The following HTT variants were observed in gnomAD, a reference collection of about 807,000 sequenced individuals.
The protein encoded by HTT is huntingtin, also known as huntington disease protein.
A neutral mutation model predicts 362.3 loss-of-function variants in HTT; 104 were observed. The ratio of observed to expected loss-of-function variants is 0.29; its 90% CI spans 0.24 to 0.34. The LOEUF is 0.34. HTT is among the 10% of genes least tolerant of loss of function. The pLI, the probability that HTT is intolerant of heterozygous loss-of-function variation, is 1.00. For missense variants in HTT, 3,301 were observed against 3,928.6 expected (o/e 0.84, Z 4.27); for synonymous variants, 1,577 against 1,548.7 (o/e 1.02, Z -0.43).
At chr4:3,209,797 T>A (rs781630956) in intron 46 of HTT, 30 bp from the exon 47 acceptor site, 17 of 1,611,614 alleles carry the variant, frequency 1.1e-5, no homozygotes, top group Non-Finnish European at 1.4e-5. Context: ...CCGCCCATCA[T>A]GTTCCCCTTA....
intron 3 of HTT, among the ~76,000 whole-genome samples, chr4:3,102,841 A>G (rs2024115): frequency 0.4 from 61,152 of 151,994 alleles, 12,520 homozygotes; most frequent in African/African-American, 0.44. Context: ...CATCGTTACT[A>G]GCTTGAAGTT....
In HTT at chr4:3,212,023, A is replaced by T. The variant is rs1321249663; in HGVS notation, c.6509A>T (p.Glu2170Val). ...AGTGCCCTTTTTGAAGCAGCCCGTG[A>T]GGTGACTCTGGCCCGTGTGAGCGGC... is the stretch of plus-strand genomic sequence containing the variant. ...QKSALFEAAREVTLARVSGTV... is the reference protein window; with the variant it reads ...QKSALFEAARVVTLARVSGTV... The change falls in exon 48 of 67, where the codon GAG becomes GTG. Residue 2170 changes from glutamate (E) to valine (V), a missense_variant. Glu to Val is a moderately radical substitution (Grantham distance 121). Transcript: ENST00000355072. 2 of 1,614,188 alleles carry T rather than the reference A, an allele frequency of 1.2e-6. No homozygotes were observed. Among genetic ancestry groups the T allele is most frequent in the Admixed American group, 3.3e-5 (2 of 60,020 alleles).
At chr4:3,122,833 TTTC>T in intron 9 of HTT, 53 bp from the exon 10 acceptor site, 1 of 1,428,490 alleles carries the variant, frequency 7.0e-7, no homozygotes, top group East Asian at 2.3e-5. Context: ...GATTTTCACA[TTTC>T]TTCTAGATTT....
chr4:3,237,382 G>A (rs902989184), intron 64 of HTT, among the ~76,000 whole-genome samples: 5 of 152,142 alleles, frequency 3.3e-5, no homozygotes, highest in African/African-American at 1.2e-4. Context: ...CCCCCATGTC[G>A]ATTTTTAAAT....
intron 62 of HTT, 23 bp downstream of exon 62, chr4:3,235,421 C>T: frequency 6.5e-7 from 1 of 1,535,430 alleles, no homozygotes. Flanking sequence ...TGGCTGTCTT[C>T]CTCTGCACAC....
intron 2 of HTT, among the ~76,000 whole-genome samples, chr4:3,092,826 G>A (rs1015062098): frequency 3.3e-5 from 5 of 152,218 alleles, no homozygotes; most frequent in Admixed American, 2.0e-4. Context: ...AGTTGAAAAC[G>A]GAAGAAATAT....
At chr4:3,160,536 C>T in intron 29 of HTT, 144 bp downstream of exon 29, 2 of 647,092 alleles carry the variant, frequency 3.1e-6, no homozygotes, top group East Asian at 2.7e-5. Flanking sequence ...CGTCACAGGA[C>T]CCAAGTCTGA....
At chr4:3,081,966 AAAAC>A (rs1314828765) in intron 1 of HTT, among the ~76,000 whole-genome samples, 1 of 152,190 alleles carries the variant, frequency 6.6e-6, no homozygotes, top group Non-Finnish European at 1.5e-5. Flanking sequence ...GCACAGATGA[AAAAC>A]AAAGCCCTTC....
At chr4:3,120,027 A>G (rs1715219904) in intron 8 of HTT, among the ~76,000 whole-genome samples, 1 of 152,202 alleles carries the variant, frequency 6.6e-6, no homozygotes. Flanking sequence ...AAGCAGGTGC[A>G]GGCCAGACCT....
rs1186741996 is a variant in HTT at position 3,235,720 on chromosome 4, G to A, written c.8727G>A (p.Val2909=). The A allele has an allele frequency of 6.8e-6, 11 of 1,612,422 alleles. No individual in the cohort carries two copies. The highest frequency in any genetic ancestry group is 3.3e-4 in the Middle Eastern group (2 of 6,080). ...AGCTGAGTGTGGACAGAGTGAACGT[G>A]CACAGCCCGCACCGGGCCATGGCGG... ...LVKLSVDRVN[V]HSPHRAMAAL... Residue 2909 remains valine (V), a synonymous_variant, in exon 63 of 67, where the codon GTG becomes GTA. Coordinates refer to ENST00000355072, the MANE Select transcript of HTT (RefSeq NM_001388492.1).
chr4:3,074,948 G>C lies in HTT; in HGVS notation c.123G>C (p.Pro41=), dbSNP rs769382046. ...AGCAGCAGCAGCAACAGCCGCCACC[G>C]CCGCCGCCGCCGCCGCCGCCTCCTC... is the stretch of plus-strand genomic sequence containing the variant. The part of the protein sequence containing the change: ...QQQQQQQQPP[P]PPPPPPPPQL... Residue 41 remains proline (P), a synonymous_variant, in exon 1 of 67, where the codon CCG becomes CCC. Transcript: ENST00000355072. The C allele has an allele frequency of 1.4e-6, 2 of 1,400,606 alleles. No individual in the cohort carries two copies. The highest frequency in any genetic ancestry group is 1.9e-6 in the Non-Finnish European group (2 of 1,065,084). The allele number at this position is 1,400,606 out of a possible 1,614,324, so 86.8% of individuals were successfully genotyped here.
At chr4:3,094,559 G>A (rs1477768019) in intron 2 of HTT, among the ~76,000 whole-genome samples, 2 of 147,026 alleles carry the variant, frequency 1.4e-5, no homozygotes, top group African/African-American at 2.5e-5. Context: ...CCCACCTCCC[G>A]GACGGGGCGG....
intron 45 of HTT, among the ~76,000 whole-genome samples, chr4:3,208,400 GA>G (rs1560594085): frequency 1.3e-5 from 2 of 152,180 alleles, no homozygotes; most frequent in African/African-American, 4.8e-5. Flanking sequence ...TTTGATAGTG[GA>G]ATTTGTGCAT....
At chr4:3,156,656 G>T (rs1391627716) in intron 27 of HTT, among the ~76,000 whole-genome samples, 1 of 152,162 alleles carries the variant, frequency 6.6e-6, no homozygotes, top group Non-Finnish European at 1.5e-5. Context: ...TAATGTTTGT[G>T]CCTTTGCCGT....
intron 6 of HTT, among the ~76,000 whole-genome samples, chr4:3,113,467 C>T (rs943497711): frequency 6.6e-6 from 1 of 152,114 alleles, no homozygotes; most frequent in Non-Finnish European, 1.5e-5. Context: ...GTAGCTGAGA[C>T]TGCAGGTGCG....
chr4:3,236,837 A>G (rs985491291), intron 64 of HTT, among the ~76,000 whole-genome samples: 1 of 150,980 alleles, frequency 6.6e-6, no homozygotes, highest in Non-Finnish European at 1.5e-5. Flanking sequence ...GGAGCTTGGT[A>G]GGGCTTTTTC....
In HTT at chr4:3,074,933, G is replaced by GCAGCAGCAA. The variant is rs1553909034; in HGVS notation, c.110_111insGCAGCAACA (p.Gln36_Gln38dup). On this transcript the variant is annotated inframe_insertion, in exon 1 of 67. Coordinates refer to ENST00000355072, the MANE Select transcript of HTT (RefSeq NM_001388492.1). ...AGCAGCAGCAGCAGCAGCAGCAGCA[G>GCAGCAGCAA]CAACAGCCGCCACCGCCGCCGCCGC... 3 of 1,444,042 alleles carry GCAGCAGCAA rather than the reference G, an allele frequency of 2.1e-6. No homozygotes were observed. Among genetic ancestry groups the GCAGCAGCAA allele is most frequent in the South Asian group, 2.6e-5 (2 of 77,938 alleles). 89.5% of individuals were successfully genotyped at this position (1,444,042 alleles called of 1,614,324 possible).
rs534258092 is a variant in HTT, at chr4:3,223,291, G to A, written c.7471-115G>A. On this transcript the variant is annotated intron_variant, in intron 54 of 66. Transcript: ENST00000355072. ...AGCTCAGCCTGACAGAAATCCTTTGGTAGCACTTAAGGCTCCTCTTCCTCC... is the reference window on the plus strand; with the variant it reads ...AGCTCAGCCTGACAGAAATCCTTTGATAGCACTTAAGGCTCCTCTTCCTCC... The A allele has an allele frequency of 1.3e-4, 137 of 1,017,080 alleles. 2 individuals carry two copies. The African/African-American group carries it at 1.9e-3, about 14-fold the overall frequency. 63.0% of individuals were successfully genotyped at this position (1,017,080 alleles called of 1,614,324 possible). A position where few individuals can be genotyped will look rare whatever the true frequency, so the allele number is the denominator to read the frequency against.
At chr4:3,119,868 G>A (rs138998028) in intron 8 of HTT, among the ~76,000 whole-genome samples, 166 of 152,288 alleles carry the variant, frequency 1.1e-3, no homozygotes, top group African/African-American at 3.8e-3. Flanking sequence ...ACCCAAAAAT[G>A]TTTTGTGTAA....
Sources: gnomAD v4.1 joint callset for allele counts (sites outside exome capture counted in the v4.1 genomes callset) on GRCh38, gnomAD v4.1.1 for gene constraint, MANE v1.5 for transcripts, NCBI Gene and HGNC (gene_info 2026-07-23, HGNC 2026-07-21) for gene names.